Variants in IL13RA1 observed in about 807,000 individuals in gnomAD.
IL13RA1 encodes the protein interleukin-13 receptor subunit alpha-1.
A neutral mutation model predicts 33.8 loss-of-function variants in IL13RA1; 14 were observed. The ratio of observed to expected loss-of-function variants is 0.41; its 90% CI spans 0.27 to 0.65. The LOEUF is 0.65. Among genes scored for constraint, IL13RA1 ranks in the 30% least tolerant of loss-of-function variants. The pLI, the probability that IL13RA1 is intolerant of heterozygous loss-of-function variation, is 0.28. For synonymous variants in IL13RA1, 116 were observed against 115.7 expected (o/e 1.00, Z -0.02); for missense variants, 313 against 327.0 (o/e 0.96, Z 0.33).
intron 6 of IL13RA1, among the ~76,000 whole-genome samples, chrX:118,761,912 G>A (rs963225489): frequency 3.6e-5 from 4 of 111,780 alleles, no homozygotes; most frequent in Non-Finnish European, 7.5e-5. Flanking sequence ...AGAAAGGAGG[G>A]TGGTGTGAAC....
Position 118,768,362 on chromosome X carries a change from C to T in IL13RA1, c.1009+1386C>T, listed in dbSNP as rs775560615. 5.4e-5 allele frequency among the ~76,000 whole-genome samples: 6 copies of T among 111,938 alleles called. No homozygotes were observed. The East Asian group carries it at 8.4e-4, about 16-fold the overall frequency. ...GTCTAGCCACGGCTTAGCTGGAGGTCTCATGAGGTTGCAGTCAAGCTGCAA... is the reference window on the plus strand; with the variant it reads ...GTCTAGCCACGGCTTAGCTGGAGGTTTCATGAGGTTGCAGTCAAGCTGCAA... On this transcript the variant is annotated intron_variant, in intron 8 of 10. Transcript: ENST00000371666.
intron 8 of IL13RA1, among the ~76,000 whole-genome samples, chrX:118,767,585 G>T (rs1481770413): frequency 9.0e-6 from 1 of 111,281 alleles, no homozygotes; most frequent in African/African-American, 3.3e-5. Flanking sequence ...TTTGCACATT[G>T]TACAATACTA....
At chrX:118,776,562 TG>T (rs776290651) in intron 10 of IL13RA1, 51 bp downstream of exon 10, 4 of 464,733 alleles carry the variant, frequency 8.6e-6, no homozygotes, top group Non-Finnish European at 1.1e-5. Flanking sequence ...TTTTTTTTTT[TG>T]GAAGCTATGG....
chrX:118,786,356 A>C (rs1398961747), intron 10 of IL13RA1, among the ~76,000 whole-genome samples: 1 of 108,876 alleles, frequency 9.2e-6, no homozygotes, highest in East Asian at 2.9e-4. Flanking sequence ...ACGCCTCTGC[A>C]CTCCAGCCCG....
At chrX:118,795,025 A>G (rs1314700913), downstream of IL13RA1, among the ~76,000 whole-genome samples, 3 of 109,825 alleles carry the variant, frequency 2.7e-5, no homozygotes, top group Non-Finnish European at 5.7e-5. Flanking sequence ...GATCCAGACC[A>G]TCCTGGCTAA....
chrX:118,766,576 A>C lies in IL13RA1; in HGVS notation c.875A>C (p.Glu292Ala). The C allele has an allele frequency of 9.6e-7, 1 of 1,037,383 alleles. No homozygotes were observed. The highest frequency in any genetic ancestry group is 2.2e-5 in the Admixed American group (1 of 45,474). 85.5% of individuals were successfully genotyped at this position (1,037,383 alleles called of 1,213,427 possible). ...AATCCAGAATTTGAGAGAAATGTGGAGGTCAGTAAATTCAACATTAGCTAT... is the reference window on the plus strand; with the variant it reads ...AATCCAGAATTTGAGAGAAATGTGGCGGTCAGTAAATTCAACATTAGCTAT... Reference protein sequence around the residue: ...CENPEFERNVENTSCFMVPGV... With the variant: ...CENPEFERNVANTSCFMVPGV... Residue 292 changes from glutamate (E) to alanine (A), a missense_variant and splice_region_variant, in exon 7 of 11, where the codon GAG (glutamate) becomes GCG (alanine). Coordinates refer to ENST00000371666, the MANE Select transcript of IL13RA1 (RefSeq NM_001560.3).
chrX:118,775,305 C>G (rs765963995), intron 9 of IL13RA1, among the ~76,000 whole-genome samples: 1 of 110,902 alleles, frequency 9.0e-6, no homozygotes, highest in South Asian at 3.8e-4. Context: ...AGAGTGGCAG[C>G]GAGGGAGGAC....
chrX:118,802,380 T>A, the IL13RA1 span, among the ~76,000 whole-genome samples: 1 of 111,954 alleles, frequency 8.9e-6, no homozygotes, highest in Admixed American at 9.5e-5. Flanking sequence ...TCTGTTCAGT[T>A]GGGGGGCGAT....
At chrX:118,769,628 C>T (rs932831224) in intron 8 of IL13RA1, among the ~76,000 whole-genome samples, 16 of 112,974 alleles carry the variant, frequency 1.4e-4, no homozygotes, top group Non-Finnish European at 2.6e-4. Context: ...AATAAGATTA[C>T]ATATTTAATA....
intron 3 of IL13RA1, 66 bp from the exon 4 acceptor site, chrX:118,749,592 A>G: frequency 2.8e-6 from 3 of 1,075,212 alleles, no homozygotes; most frequent in Non-Finnish European, 3.9e-6. Flanking sequence ...CCCATGCCAA[A>G]GAGTGATTTG....
intron 1 of IL13RA1, among the ~76,000 whole-genome samples, chrX:118,735,383 C>G (rs899182210): frequency 1.8e-5 from 2 of 110,793 alleles, no homozygotes; most frequent in South Asian, 7.5e-4. Flanking sequence ...TTTCTAGTTA[C>G]GCAAGTTGTA....
At chrX:118,737,903 A>G (rs750194545) in intron 1 of IL13RA1, among the ~76,000 whole-genome samples, 9 of 111,927 alleles carry the variant, frequency 8.0e-5, no homozygotes, top group Non-Finnish European at 1.5e-4. Flanking sequence ...AGATAATCCT[A>G]CAGTAAATTG....
intron 10 of IL13RA1, among the ~76,000 whole-genome samples, chrX:118,786,813 A>G (rs2017923639): frequency 9.0e-6 from 1 of 111,690 alleles, no homozygotes; most frequent in Admixed American, 9.5e-5. Flanking sequence ...ATTAGTTTTG[A>G]GTTTCTGGAG....
At chrX:118,784,833 C>T (rs1353457660) in intron 10 of IL13RA1, among the ~76,000 whole-genome samples, 1 of 111,803 alleles carries the variant, frequency 8.9e-6, no homozygotes, top group Non-Finnish European at 1.9e-5. Context: ...CCATTTTCTT[C>T]TGGCATAATA....
In IL13RA1 at chrX:118,792,646, AAAAAC is replaced by A. The variant is rs57637485; in HGVS notation, c.*817_*821del. ...GGGTGACAGAGCAAGACTCTGTCTA[AAAAAC>A]AAAACAAAACAAAACAAAACAAAAA... On this transcript the variant is annotated 3_prime_UTR_variant, in exon 11 of 11. Transcript: ENST00000371666. The A allele has an allele frequency of 9.4e-4, 106 of 112,611 alleles. No homozygotes were observed. The highest frequency in any genetic ancestry group is 4.6e-3 in the Middle Eastern group (1 of 217). The allele number at this position is 112,611 out of a possible 1,213,427, so 9.3% of individuals were successfully genotyped here. A position where few individuals can be genotyped will look rare whatever the true frequency, so the allele number is the denominator to read the frequency against.
the IL13RA1 span, among the ~76,000 whole-genome samples, chrX:118,804,544 G>T: frequency 9.0e-6 from 1 of 111,575 alleles, no homozygotes; most frequent in Non-Finnish European, 1.9e-5. Flanking sequence ...TAAACAAATT[G>T]GAAATGTGAT....
intron 4 of IL13RA1, among the ~76,000 whole-genome samples, chrX:118,751,007 G>A (rs903530773): frequency 1.8e-5 from 2 of 111,156 alleles, no homozygotes; most frequent in Non-Finnish European, 3.8e-5. Flanking sequence ...GGGTTTCAAC[G>A]TGTTGGCCAG....
chrX:118,770,564 C>T, intron 8 of IL13RA1: 1 of 520,588 alleles, frequency 1.9e-6, no homozygotes, highest in South Asian at 2.3e-5. Flanking sequence ...GCGCTGCCCA[C>T]GTTCCGCAAG....
In IL13RA1 at chrX:118,792,840, G is replaced by A. The variant is rs1258508327; in HGVS notation, c.*986G>A. ...ATTTTAGGCTGTTAGGGGCAGTGGAGGTAGAATGACTCCTTGGGTATTAGA... is the reference window on the plus strand; with the variant it reads ...ATTTTAGGCTGTTAGGGGCAGTGGAAGTAGAATGACTCCTTGGGTATTAGA... On this transcript the variant is annotated 3_prime_UTR_variant, in exon 11 of 11. Transcript: ENST00000371666. The A allele has an allele frequency of 9.0e-6, 1 of 111,319 alleles. No individual in the cohort carries two copies. Among genetic ancestry groups the A allele is most frequent in the Non-Finnish European group, 1.9e-5 (1 of 53,100 alleles). The allele number at this position is 111,319 out of a possible 1,213,427, so 9.2% of individuals were successfully genotyped here.
Sources: allele counts gnomAD v4.1 joint callset (sites outside exome capture counted in the v4.1 genomes callset), GRCh38; gene constraint gnomAD v4.1.1; transcripts MANE v1.5; gene names NCBI Gene and HGNC (gene_info 2026-07-23, HGNC 2026-07-21).